Variants in PPP1R12A observed in about 807,000 individuals in gnomAD.
PPP1R12A encodes the protein protein phosphatase 1 regulatory subunit 12A.
PPP1R12A carries 19 observed loss-of-function variants against 139.6 expected under a neutral mutation model. The observed-to-expected ratio is 0.14, with a 90% confidence interval of 0.09 to 0.20. The LOEUF (loss-of-function observed/expected upper bound fraction) is 0.20. Among genes scored for constraint, PPP1R12A ranks in the 10% least tolerant of loss-of-function variants. PPP1R12A has a pLI of 1.00. For missense variants in PPP1R12A, 925 were observed against 1,211.5 expected (o/e 0.76, Z 3.51); for synonymous variants, 427 against 420.6 (o/e 1.02, Z -0.19).
chr12:79,932,410 G>C (rs1480479082), intron 1 of PPP1R12A, among the ~76,000 whole-genome samples: 1 of 152,136 alleles, frequency 6.6e-6, no homozygotes, highest in African/African-American at 2.4e-5. Flanking sequence ...TAAGAAATGA[G>C]AGTGAAGAAA....
Position 79,934,827 on chromosome 12 carries a change from C to T in PPP1R12A, c.105G>A (p.Lys35=), listed in dbSNP as rs372586883. The T allele has an allele frequency of 1.6e-5, 26 of 1,609,644 alleles. No individual in the cohort carries two copies. The highest frequency in any genetic ancestry group is 2.2e-5 in the Non-Finnish European group (26 of 1,178,224). Residue 35 remains lysine, a synonymous_variant, in exon 1 of 25, where the codon AAG becomes AAA. Transcript: ENST00000450142. ...EPPVVKRQKT[K]VKFDDGAVFL... is the part of the protein sequence containing the mutation. ...AGACGGCGCCATCGTCGAACTTCACCTTGGTCTTCTGGCGCTTCACCACCG... is the reference window on the plus strand; with the variant it reads ...AGACGGCGCCATCGTCGAACTTCACTTTGGTCTTCTGGCGCTTCACCACCG...
chr12:79,908,864 T>C (rs1173291209), intron 1 of PPP1R12A, among the ~76,000 whole-genome samples: 2 of 152,166 alleles, frequency 1.3e-5, no homozygotes, highest in Non-Finnish European at 2.9e-5. Flanking sequence ...TTATCAACAG[T>C]GAGCCCTGGA....
Position 79,793,939 on chromosome 12 carries a change from A to T in PPP1R12A, c.2584-11T>A, listed in dbSNP as rs1419229139. On this transcript the variant is annotated splice_polypyrimidine_tract_variant and intron_variant, in intron 18 of 24. Transcript: ENST00000450142. ...TTCATTTTCATCACTCTAAAAACAG[A>T]TTGCCAATTTATATTTTAGGAAATT... is the stretch of plus-strand genomic sequence containing the variant. 21 of 1,547,534 alleles carry T rather than the reference A, an allele frequency of 1.4e-5. No homozygotes were observed. The highest frequency in any genetic ancestry group is 1.6e-5 in the Non-Finnish European group (19 of 1,154,908).
At chr12:79,848,170 G>C (rs1401936301) in intron 2 of PPP1R12A, among the ~76,000 whole-genome samples, 2 of 152,154 alleles carry the variant, frequency 1.3e-5, no homozygotes, top group Admixed American at 1.3e-4. Flanking sequence ...TCTACAAACA[G>C]AAGTTAGACT....
intron 1 of PPP1R12A, among the ~76,000 whole-genome samples, chr12:79,898,108 TCTC>T (rs1270552919): frequency 6.6e-6 from 1 of 152,136 alleles, no homozygotes; most frequent in East Asian, 1.9e-4. Flanking sequence ...TGCCTTAAGA[TCTC>T]ATCAGTACCA....
chr12:79,788,944 T>C (rs1871455810), intron 20 of PPP1R12A, among the ~76,000 whole-genome samples, 161 bp from the exon 21 acceptor site: 1 of 152,146 alleles, frequency 6.6e-6, no homozygotes, highest in African/African-American at 2.4e-5. Flanking sequence ...TGGGAAGTTA[T>C]TTTATTTTTT....
chr12:79,779,811 A>ACC, intron 23 of PPP1R12A: 4 of 163,964 alleles, frequency 2.4e-5, no homozygotes, highest in Admixed American at 5.8e-5. Flanking sequence ...AAGTAAGACA[A>ACC]GAAAACTACA....
At chr12:79,872,326 A>T (rs1360371501) in intron 2 of PPP1R12A, among the ~76,000 whole-genome samples, 1 of 152,196 alleles carries the variant, frequency 6.6e-6, no homozygotes, top group Admixed American at 6.5e-5. Flanking sequence ...GGTAGTAGAG[A>T]ATACAATGAC....
chr12:79,904,993 T>C (rs1430710832), intron 1 of PPP1R12A, among the ~76,000 whole-genome samples: 3 of 152,196 alleles, frequency 2.0e-5, no homozygotes, highest in Non-Finnish European at 4.4e-5. Flanking sequence ...AATAGTGAAA[T>C]TCGTGTCTGA....
At chr12:79,849,996 A>G (rs1385606874) in intron 2 of PPP1R12A, among the ~76,000 whole-genome samples, 1 of 148,706 alleles carries the variant, frequency 6.7e-6, no homozygotes, top group Non-Finnish European at 1.5e-5. Context: ...GCTAAATTTA[A>G]AAAAAAAAAA....
intron 2 of PPP1R12A, among the ~76,000 whole-genome samples, chr12:79,872,040 T>C (rs994685368): frequency 7.9e-5 from 12 of 152,082 alleles, no homozygotes; most frequent in Non-Finnish European, 1.3e-4. Context: ...AATTGAGATA[T>C]TGTATCTCCA....
chr12:79,775,185 C>T lies in PPP1R12A; in HGVS notation c.*744G>A, dbSNP rs1422228672. 6.6e-6 allele frequency: 1 copy of T among 152,312 alleles called. No homozygotes were observed. Among genetic ancestry groups the T allele is most frequent in the Admixed American group, 6.6e-5 (1 of 15,248 alleles). 9.4% of individuals were successfully genotyped at this position (152,312 alleles called of 1,614,324 possible). A position where few individuals can be genotyped will look rare whatever the true frequency, so the allele number is the denominator to read the frequency against. On this transcript the variant is annotated 3_prime_UTR_variant, in exon 25 of 25. Transcript: ENST00000450142. ...TTATACTACAATAAAAAAAAAGTGACCAATGAAGCAGAAAATAGGAATTAA... is the reference window on the plus strand; with the variant it reads ...TTATACTACAATAAAAAAAAAGTGATCAATGAAGCAGAAAATAGGAATTAA...
chr12:79,922,975 A>T (rs1397440783), intron 1 of PPP1R12A, among the ~76,000 whole-genome samples: 1 of 152,196 alleles, frequency 6.6e-6, no homozygotes, highest in East Asian at 1.9e-4. Context: ...ATGAGCGAGT[A>T]AAAATGTACA....
chr12:79,821,927 G>C (rs1876166440), intron 6 of PPP1R12A, among the ~76,000 whole-genome samples, 189 bp downstream of exon 6: 1 of 152,070 alleles, frequency 6.6e-6, no homozygotes, highest in Non-Finnish European at 1.5e-5. Context: ...GGAGGAAATA[G>C]AAATGGGGAT....
chr12:79,844,157 T>C (rs1160785770), intron 3 of PPP1R12A, among the ~76,000 whole-genome samples: 1 of 152,168 alleles, frequency 6.6e-6, no homozygotes, highest in East Asian at 1.9e-4. Flanking sequence ...CAATCAACTT[T>C]AGAATACTCA....
chr12:79,777,751 C>T (rs79806493), intron 24 of PPP1R12A: 104 of 634,254 alleles, frequency 1.6e-4, no homozygotes, highest in Non-Finnish European at 2.0e-4. Flanking sequence ...AAAAATATTA[C>T]GTCTTAAAGG....
At chr12:79,920,865 A>T (rs958327456) in intron 1 of PPP1R12A, among the ~76,000 whole-genome samples, 4 of 152,184 alleles carry the variant, frequency 2.6e-5, no homozygotes, top group Non-Finnish European at 5.9e-5. Flanking sequence ...GTAATAAGTA[A>T]ATCTTTTTAA....
At chr12:79,876,595 G>GC (rs1387299413) in intron 1 of PPP1R12A, among the ~76,000 whole-genome samples, 4 of 152,094 alleles carry the variant, frequency 2.6e-5, no homozygotes, top group African/African-American at 9.7e-5. Flanking sequence ...TTTCTCACCT[G>GC]CAACAGGATA....
At chr12:79,901,405 A>G (rs947678971) in intron 1 of PPP1R12A, among the ~76,000 whole-genome samples, 3 of 152,180 alleles carry the variant, frequency 2.0e-5, no homozygotes, top group Non-Finnish European at 4.4e-5. Context: ...TAAAGCCACT[A>G]TAAAAATGTA....
Sources: allele counts gnomAD v4.1 joint callset (sites outside exome capture counted in the v4.1 genomes callset), GRCh38; gene constraint gnomAD v4.1.1; transcripts MANE v1.5; gene names NCBI Gene and HGNC (gene_info 2026-07-23, HGNC 2026-07-21).